FLI1: variants seen among roughly 807,000 people sequenced by gnomAD.
FLI1 encodes the protein Friend leukemia integration 1 transcription factor.
Under a neutral mutation model 53.1 loss-of-function variants are expected in FLI1, and 13 were observed. The observed-to-expected ratio is 0.24, with a 90% CI of 0.16 to 0.39. FLI1 has a LOEUF of 0.39. FLI1 is among the 10% of genes least tolerant of loss of function. The pLI, the probability that FLI1 is intolerant of heterozygous loss-of-function variation, is 1.00. For synonymous variants in FLI1, 244 were observed against 236.7 expected (o/e 1.03, Z -0.28); for missense variants, 424 against 600.5 (o/e 0.71, Z 3.07).
Position 128,768,279 on chromosome 11 carries a change from C to A in FLI1, c.385+7C>A. On this transcript the variant is annotated splice_region_variant and intron_variant, in intron 3 of 8. Coordinates refer to ENST00000527786, the MANE Select transcript of FLI1 (RefSeq NM_002017.5). ...AGAGTCATCGTCCCCGCAGGTAATTCGAGAACCAGGCTGCCTGGGCGCCAT... is the reference window on the plus strand; with the variant it reads ...AGAGTCATCGTCCCCGCAGGTAATTAGAGAACCAGGCTGCCTGGGCGCCAT... 3 of 1,612,824 alleles carry A rather than the reference C, an allele frequency of 1.9e-6. No homozygotes were observed. Among genetic ancestry groups the A allele is most frequent in the Non-Finnish European group, 2.5e-6 (3 of 1,179,710 alleles).
chr11:128,779,063 T>A (rs1690782280), intron 4 of FLI1, among the ~76,000 whole-genome samples: 1 of 152,238 alleles, frequency 6.6e-6, no homozygotes, highest in African/African-American at 2.4e-5. Flanking sequence ...TAGGTTGCCA[T>A]GAAATATACA....
intron 3 of FLI1, among the ~76,000 whole-genome samples, chr11:128,770,329 A>C (rs1404792793): frequency 6.6e-6 from 1 of 152,230 alleles, no homozygotes; most frequent in Non-Finnish European, 1.5e-5. Context: ...TAGATCTTTT[A>C]GGTCCTCACA....
intron 1 of FLI1, among the ~76,000 whole-genome samples, chr11:128,714,291 C>G (rs1230134594): frequency 6.6e-6 from 1 of 151,816 alleles, no homozygotes; most frequent in Non-Finnish European, 1.5e-5. Context: ...AAACTGCTAT[C>G]CTGATCTCCA....
At chr11:128,739,294 G>A (rs1400031577) in intron 1 of FLI1, among the ~76,000 whole-genome samples, 1 of 152,168 alleles carries the variant, frequency 6.6e-6, no homozygotes, top group African/African-American at 2.4e-5. Context: ...AAGGTATGGG[G>A]ATGAGCTGTG....
chr11:128,779,494 T>A (rs1308441022), intron 4 of FLI1, among the ~76,000 whole-genome samples: 5 of 152,222 alleles, frequency 3.3e-5, no homozygotes, highest in Admixed American at 3.3e-4. Flanking sequence ...AACGCATGTA[T>A]AAAGAGAACT....
intron 1 of FLI1, among the ~76,000 whole-genome samples, chr11:128,746,266 T>C (rs1035431260): frequency 3.3e-5 from 5 of 152,168 alleles, no homozygotes; most frequent in Non-Finnish European, 7.3e-5. Context: ...CTGATGAGGT[T>C]CTTCTCTTCA....
intron 5 of FLI1, among the ~76,000 whole-genome samples, chr11:128,794,140 G>T (rs1360518967): frequency 1.3e-5 from 2 of 152,230 alleles, no homozygotes; most frequent in African/African-American, 4.8e-5. Flanking sequence ...AGACGACAGA[G>T]CGAGGACTGC....
chr11:128,690,020 C>G (rs777031799), upstream of FLI1, among the ~76,000 whole-genome samples: 1 of 152,384 alleles, frequency 6.6e-6, no homozygotes, highest in Admixed American at 6.5e-5. Flanking sequence ...AAAGCAGGCG[C>G]GCCTGCAGAG....
intron 5 of FLI1, among the ~76,000 whole-genome samples, chr11:128,797,977 A>G (rs999106499): frequency 6.6e-6 from 1 of 152,140 alleles, no homozygotes; most frequent in African/African-American, 2.4e-5. Flanking sequence ...ACGCAGACCC[A>G]AGAGTGTATC....
intron 1 of FLI1, among the ~76,000 whole-genome samples, chr11:128,732,719 G>A (rs752215501): frequency 9.9e-5 from 15 of 152,264 alleles, no homozygotes; most frequent in South Asian, 2.1e-4. Flanking sequence ...AATATGCTTC[G>A]TTGCTTCCAA....
chr11:128,688,877 T>A (rs1271537216), intron 1 of FLI1, among the ~76,000 whole-genome samples: 1 of 152,206 alleles, frequency 6.6e-6, no homozygotes, highest in Non-Finnish European at 1.5e-5. Flanking sequence ...GCGTTGTGTC[T>A]GTATTAGCTC....
chr11:128,717,111 C>T (rs1403581450), intron 1 of FLI1, among the ~76,000 whole-genome samples: 35 of 152,108 alleles, frequency 2.3e-4, no homozygotes, highest in Non-Finnish European at 1.5e-5. Flanking sequence ...GCACACGCTG[C>T]TCTGGGGAGA....
intron 2 of FLI1, among the ~76,000 whole-genome samples, chr11:128,761,636 A>T (rs947384233): frequency 6.6e-6 from 1 of 152,106 alleles, no homozygotes; most frequent in African/African-American, 2.4e-5. Context: ...GGAAGGAAGT[A>T]TGCTGCTCAC....
At chr11:128,693,795 C>A (rs1026935429), upstream of FLI1, 1 of 228,452 alleles carries the variant, frequency 4.4e-6, no homozygotes. Context: ...GTGTGCGCAG[C>A]GCATGAATGT....
chr11:128,712,030 T>C (rs1938801222), intron 1 of FLI1, among the ~76,000 whole-genome samples: 1 of 152,206 alleles, frequency 6.6e-6, no homozygotes. Flanking sequence ...GTTTGGTCGT[T>C]TGTCCTCTCC....
upstream of FLI1, among the ~76,000 whole-genome samples, chr11:128,689,973 T>C (rs2135676453): frequency 6.6e-6 from 1 of 152,300 alleles, no homozygotes; most frequent in South Asian, 2.1e-4. Context: ...AAATCTTCCT[T>C]CACTCTGTGA....
chr11:128,741,734 A>AT (rs995845092), intron 1 of FLI1, among the ~76,000 whole-genome samples: 3 of 150,876 alleles, frequency 2.0e-5, no homozygotes, highest in African/African-American at 7.4e-5. Flanking sequence ...CCTCCCCCCG[A>AT]TTCCTGCTCA....
chr11:128,807,059 G>A (rs896215471), intron 6 of FLI1, 121 bp from the exon 7 acceptor site: 1 of 480,112 alleles, frequency 2.1e-6, no homozygotes, highest in African/African-American at 2.0e-5. Context: ...AAAATAAGAT[G>A]AATAAATGAG....
At chr11:128,774,087 C>T (rs921825244) in intron 4 of FLI1, among the ~76,000 whole-genome samples, 1 of 152,124 alleles carries the variant, frequency 6.6e-6, no homozygotes, top group Non-Finnish European at 1.5e-5. Context: ...GCTCTGTTTG[C>T]TCGCCATCGT....
Sources: gnomAD v4.1 joint callset for allele counts (sites outside exome capture counted in the v4.1 genomes callset) on GRCh38, gnomAD v4.1.1 for gene constraint, MANE v1.5 for transcripts, NCBI Gene and HGNC (gene_info 2026-07-23, HGNC 2026-07-21) for gene names.